The following APBA2 variants were observed in gnomAD, a reference collection of about 807,000 sequenced individuals.
The protein encoded by APBA2 is amyloid beta precursor protein binding family A member 2.
APBA2 carries 30 observed loss-of-function variants against 75.0 expected under a neutral mutation model. That is an observed-to-expected ratio of 0.40 (90% CI 0.30 to 0.54). The LOEUF (loss-of-function observed/expected upper bound fraction) is 0.54. APBA2 is among the 20% of genes least tolerant of loss of function. APBA2 has a pLI of 0.49. For synonymous variants in APBA2, 444 were observed against 409.6 expected, an observed-to-expected ratio of 1.08 and a Z score of -1.01; for missense variants, 801 against 1,016.1, an observed-to-expected ratio of 0.79 and a Z score of 2.88.
At chr15:29,105,319 A>T in intron 10 of APBA2, 60 bp from the exon 11 acceptor site, 1 of 1,548,128 alleles carries the variant, frequency 6.5e-7, no homozygotes, top group Non-Finnish European at 8.8e-7. Context: ...CCCCCTGCTG[A>T]GGAGGCTGCG....
chr15:29,016,732 C>T (rs2039679935), intron 3 of APBA2, among the ~76,000 whole-genome samples: 1 of 152,096 alleles, frequency 6.6e-6, no homozygotes, highest in Non-Finnish European at 1.5e-5. Flanking sequence ...TGTGTCACCC[C>T]CTGTCAGTGT....
intron 8 of APBA2, among the ~76,000 whole-genome samples, chr15:29,097,516 C>A (rs138437603): frequency 2.0e-5 from 3 of 152,204 alleles, no homozygotes; most frequent in Non-Finnish European, 2.9e-5. Context: ...AATTGCCGAG[C>A]CTTCCTTCGA....
chr15:29,042,459 T>C (rs1210515223), intron 3 of APBA2, among the ~76,000 whole-genome samples: 4 of 152,036 alleles, frequency 2.6e-5, no homozygotes, highest in Admixed American at 6.6e-5. Flanking sequence ...AGGGTTTCAC[T>C]GTGTTAGCCA....
chr15:28,972,501 T>C (rs1257141868), intron 2 of APBA2, among the ~76,000 whole-genome samples: 1 of 152,172 alleles, frequency 6.6e-6, no homozygotes, highest in East Asian at 1.9e-4. Flanking sequence ...GTTTACAAAG[T>C]TACAAGTTAT....
rs1034913728 is a variant in APBA2, at chr15:28,964,573, C to T, written c.-94-31180C>T. ...CACGAACTTGGCTCACTGCAACCTC[C>T]GCCTCCTAGATTCAAGTGATTCTCC... On this transcript the variant is annotated intron_variant, in intron 2 of 14. Coordinates refer to ENST00000683413, the MANE Select transcript of APBA2 (RefSeq NM_001353788.2). Among the ~76,000 whole-genome samples the T allele has an allele frequency of 3.3e-5, 5 of 151,840 alleles. No homozygotes were observed. The East Asian group carries it at 7.8e-4, about 24-fold the overall frequency.
chr15:28,920,964 G>A (rs1373079182), intron 1 of APBA2, among the ~76,000 whole-genome samples: 1 of 152,176 alleles, frequency 6.6e-6, no homozygotes, highest in East Asian at 1.9e-4. Context: ...AGTAAGGGGT[G>A]CTGGCTGAGC....
intron 6 of APBA2, among the ~76,000 whole-genome samples, chr15:29,081,974 A>G (rs912141400): frequency 5.3e-5 from 8 of 152,228 alleles, no homozygotes. Context: ...AAGGGGGGAC[A>G]GCGTACGCTG....
intron 4 of APBA2, among the ~76,000 whole-genome samples, chr15:29,057,205 T>C (rs1266897023): frequency 1.1e-4 from 17 of 152,192 alleles, no homozygotes. Flanking sequence ...CTCCTGTTTT[T>C]AACCCTAACC....
At chr15:28,891,428 T>C (rs1291595339) in intron 1 of APBA2, among the ~76,000 whole-genome samples, 2 of 152,136 alleles carry the variant, frequency 1.3e-5, no homozygotes, top group Admixed American at 1.3e-4. Context: ...TGACTAGGAC[T>C]CGTGACCACT....
chr15:29,002,845 C>T (rs1385143631), intron 3 of APBA2, among the ~76,000 whole-genome samples: 2 of 152,112 alleles, frequency 1.3e-5, no homozygotes, highest in East Asian at 3.9e-4. Context: ...AGAGTGCACC[C>T]TGGGGAGGGC....
intron 2 of APBA2, among the ~76,000 whole-genome samples, chr15:28,930,978 C>T (rs2034532345): frequency 1.3e-5 from 2 of 152,212 alleles, no homozygotes; most frequent in African/African-American, 4.8e-5. Context: ...TCATGGCCTC[C>T]TGCCTCTGGA....
chr15:29,100,101 G>A (rs576493347), intron 9 of APBA2, among the ~76,000 whole-genome samples: 1 of 152,376 alleles, frequency 6.6e-6, no homozygotes, highest in South Asian at 2.1e-4. Flanking sequence ...CAGAGCAGGA[G>A]AGCAGATGCG....
chr15:29,053,195 C>T (rs1306913212), intron 3 of APBA2, among the ~76,000 whole-genome samples: 1 of 152,190 alleles, frequency 6.6e-6, no homozygotes, highest in East Asian at 1.9e-4. Flanking sequence ...TCCTCTTCTC[C>T]CCATGGCCGA....
At chr15:28,900,962 C>G (rs192046668) in intron 1 of APBA2, among the ~76,000 whole-genome samples, 1 of 152,348 alleles carries the variant, frequency 6.6e-6, no homozygotes, top group East Asian at 1.9e-4. Flanking sequence ...ATCCCAGCAC[C>G]TGGCACAGCA....
intron 2 of APBA2, among the ~76,000 whole-genome samples, chr15:28,932,127 G>A (rs957383896): frequency 2.0e-5 from 3 of 152,174 alleles, no homozygotes; most frequent in African/African-American, 4.8e-5. Context: ...GATGTCCTTG[G>A]GAGGGGAAGG....
chr15:28,894,127 A>T (rs929891037), intron 1 of APBA2: 1 of 152,264 alleles, frequency 6.6e-6, no homozygotes, highest in Non-Finnish European at 1.5e-5. Context: ...CTAACATGGT[A>T]GGTCTCACCT....
intron 4 of APBA2, among the ~76,000 whole-genome samples, chr15:29,060,756 T>C (rs1220612158): frequency 6.6e-6 from 1 of 152,174 alleles, no homozygotes; most frequent in Admixed American, 6.5e-5. Context: ...TTTTTCTTAA[T>C]TTTTTTGAGC....
At chr15:28,904,656 G>A (rs1295435347) in intron 1 of APBA2, among the ~76,000 whole-genome samples, 1 of 152,168 alleles carries the variant, frequency 6.6e-6, no homozygotes, top group Non-Finnish European at 1.5e-5. Context: ...CCAGCAAACA[G>A]TGTTGGTGGC....
chr15:28,931,885 T>C (rs935741599), intron 2 of APBA2, among the ~76,000 whole-genome samples: 1 of 152,220 alleles, frequency 6.6e-6, no homozygotes, highest in Non-Finnish European at 1.5e-5. Context: ...GAAGTTATAT[T>C]ACAATGCACA....
Sources: gnomAD v4.1 joint callset for allele counts (sites outside exome capture counted in the v4.1 genomes callset) on GRCh38, gnomAD v4.1.1 for gene constraint, MANE v1.5 for transcripts, NCBI Gene and HGNC (gene_info 2026-07-23, HGNC 2026-07-21) for gene names.